PLCL1: variants seen among roughly 807,000 people sequenced by gnomAD.
The protein encoded by PLCL1 is phospholipase C like 1 (inactive).
Under a neutral mutation model 84.4 loss-of-function variants are expected in PLCL1, and 41 were observed. The ratio of observed to expected loss-of-function variants is 0.49; its 90% CI spans 0.38 to 0.63. The LOEUF (loss-of-function observed/expected upper bound fraction) is 0.63, where lower values mean the gene tolerates loss of function less well. Ranked by LOEUF, PLCL1 falls within the 30% of genes least tolerant of loss-of-function variation. The pLI, the probability that PLCL1 is intolerant of heterozygous loss-of-function variation, is 0.00. For synonymous variants in PLCL1, 490 were observed against 488.3 expected (o/e 1.00, Z -0.05); for missense variants, 1,206 against 1,367.8 (o/e 0.88, Z 1.87).
At chr2:198,126,989 TGA>T in intron 5 of PLCL1, among the ~76,000 whole-genome samples, 1 of 90,656 alleles carries the variant, frequency 1.1e-5, no homozygotes, top group South Asian at 5.3e-4. Context: ...AATGAGTGTG[TGA>T]GTGTGTGTGT....
chr2:197,903,068 G>A (rs1559040373), intron 1 of PLCL1, among the ~76,000 whole-genome samples: 2 of 152,160 alleles, frequency 1.3e-5, no homozygotes, highest in South Asian at 4.1e-4. Flanking sequence ...GAGCCAACAG[G>A]TGTTAGCGTG....
At chr2:197,908,716 T>G (rs1175285138) in intron 1 of PLCL1, among the ~76,000 whole-genome samples, 3 of 152,178 alleles carry the variant, frequency 2.0e-5, no homozygotes, top group African/African-American at 7.2e-5. Context: ...ACATTTAATA[T>G]CCTAACTTAA....
intron 1 of PLCL1, among the ~76,000 whole-genome samples, chr2:197,901,172 A>C (rs1688258992): frequency 6.6e-6 from 1 of 152,192 alleles, no homozygotes; most frequent in Non-Finnish European, 1.5e-5. Context: ...AGCTTTTTCG[A>C]ATCAGAATCC....
At chr2:197,978,833 A>G (rs971370910) in intron 1 of PLCL1, among the ~76,000 whole-genome samples, 1 of 152,194 alleles carries the variant, frequency 6.6e-6, no homozygotes, top group East Asian at 1.9e-4. Flanking sequence ...ACGCCAGTTC[A>G]CCGAAGATGC....
chr2:198,144,864 G>T (rs111266076), intron 5 of PLCL1, among the ~76,000 whole-genome samples: 2,382 of 152,260 alleles, frequency 0.016, 21 homozygotes, highest in African/African-American at 0.019. Context: ...TGCCTGCTTT[G>T]CTGTTAAAAG....
intron 4 of PLCL1, among the ~76,000 whole-genome samples, chr2:198,103,211 A>G (rs1344646151): frequency 7.9e-5 from 12 of 152,056 alleles, no homozygotes; most frequent in Non-Finnish European, 5.9e-5. Flanking sequence ...TGCATAAACC[A>G]GGAAGAGGAC....
intron 1 of PLCL1, among the ~76,000 whole-genome samples, chr2:197,976,708 A>G (rs1284920559): frequency 1.3e-5 from 2 of 152,202 alleles, no homozygotes; most frequent in African/African-American, 4.8e-5. Context: ...TGGCCTCCCA[A>G]AGTGCTGGGA....
intron 1 of PLCL1, among the ~76,000 whole-genome samples, chr2:198,004,802 A>T (rs78971089): frequency 0.012 from 1,860 of 152,322 alleles, 50 homozygotes; most frequent in African/African-American, 0.042. Flanking sequence ...TGGTCAGGAT[A>T]AACGCCTCCT....
chr2:197,881,738 T>TA (rs1270025284), intron 1 of PLCL1, among the ~76,000 whole-genome samples: 1 of 152,082 alleles, frequency 6.6e-6, no homozygotes, highest in Non-Finnish European at 1.5e-5. Flanking sequence ...GTGTGTGTTT[T>TA]AAAAAACTTT....
At chr2:197,855,636 A>G (rs1559026167) in intron 1 of PLCL1, among the ~76,000 whole-genome samples, 1 of 152,010 alleles carries the variant, frequency 6.6e-6, no homozygotes, top group Admixed American at 6.6e-5. Context: ...TATAATTCCA[A>G]GAGCCTAGTT....
chr2:197,805,343 A>G lies in PLCL1; in HGVS notation c.240+4A>G. On this transcript the variant is annotated splice_donor_region_variant and intron_variant, in intron 1 of 5. Transcript: ENST00000428675. The surrounding 1 kb of genome is among the most constrained non-coding windows in gnomAD (Gnocchi z 4.0). Reference sequence around the variant, plus strand: ...CCGGCGCAGCAGCATCATCAAGGTAAGCAAAGCCGCGCCGCACCGGGAGCG... The same window carrying G: ...CCGGCGCAGCAGCATCATCAAGGTAGGCAAAGCCGCGCCGCACCGGGAGCG... 1 of 1,334,614 alleles carries G rather than the reference A, an allele frequency of 7.5e-7. No individual in the cohort carries two copies. Among genetic ancestry groups the G allele is most frequent in the Non-Finnish European group, 9.5e-7 (1 of 1,048,770 alleles). 82.7% of individuals were successfully genotyped at this position (1,334,614 alleles called of 1,614,324 possible). A position where few individuals can be genotyped will look rare whatever the true frequency, so the allele number is the denominator to read the frequency against.
At chr2:197,958,044 A>G (rs1689526300) in intron 1 of PLCL1, among the ~76,000 whole-genome samples, 1 of 151,970 alleles carries the variant, frequency 6.6e-6, no homozygotes, top group Non-Finnish European at 1.5e-5. Context: ...GGCTTATCTC[A>G]ATTTTCTCTC....
Position 197,804,964 on chromosome 2 carries a change from G to GCCGCCA in PLCL1, c.-134_-133insGCCACC. On this transcript the variant is annotated 5_prime_UTR_variant, in exon 1 of 6. Transcript: ENST00000428675. ...AGTTGCCGCCGCCGCCGCCGCCGCCGCCACTGCCGCCGCTGGGCGGTGAAA... is the reference window on the plus strand; with the variant it reads ...AGTTGCCGCCGCCGCCGCCGCCGCCGCCGCCACCACTGCCGCCGCTGGGCGGTGAAA... 1 of 1,105,248 alleles carries GCCGCCA rather than the reference G, an allele frequency of 9.0e-7. No individual in the cohort carries two copies. The highest frequency in any genetic ancestry group is 3.1e-5 in the Admixed American group (1 of 32,300). The allele number at this position is 1,105,248 out of a possible 1,614,324, so 68.5% of individuals were successfully genotyped here.
At chr2:197,983,256 C>T (rs1249231477) in intron 1 of PLCL1, among the ~76,000 whole-genome samples, 3 of 88,942 alleles carry the variant, frequency 3.4e-5, no homozygotes, top group Non-Finnish European at 4.2e-5. Context: ...GGGTCTTGCT[C>T]TGTTGCTGAG....
chr2:197,923,015 C>T (rs1240502597), intron 1 of PLCL1, among the ~76,000 whole-genome samples: 1,220 of 87,168 alleles, frequency 0.014, no homozygotes, highest in Admixed American at 0.02. Context: ...CCTCACTTCC[C>T]AGTAGGGGCG....
chr2:198,060,655 C>T (rs541158243), intron 1 of PLCL1, among the ~76,000 whole-genome samples: 1 of 152,282 alleles, frequency 6.6e-6, no homozygotes, highest in Non-Finnish European at 1.5e-5. Flanking sequence ...CTTTCCACTG[C>T]CCCAAACTTT....
intron 1 of PLCL1, among the ~76,000 whole-genome samples, chr2:197,948,141 G>A (rs1689317963): frequency 6.6e-6 from 1 of 152,116 alleles, no homozygotes; most frequent in Admixed American, 6.6e-5. Context: ...ATGGGATTTT[G>A]GGGGTAGAAC....
chr2:197,937,373 C>G (rs1442059690), intron 1 of PLCL1, among the ~76,000 whole-genome samples: 1 of 152,182 alleles, frequency 6.6e-6, no homozygotes, highest in African/African-American at 2.4e-5. Flanking sequence ...ATAGGATGGA[C>G]ATTTTAACAA....
chr2:198,107,457 T>G (rs1693503539), intron 5 of PLCL1, among the ~76,000 whole-genome samples: 2 of 151,848 alleles, frequency 1.3e-5, no homozygotes, highest in Admixed American at 1.3e-4. Context: ...ATAATCTCCC[T>G]CAGGGTAGTA....
Sources: allele counts gnomAD v4.1 joint callset (sites outside exome capture counted in the v4.1 genomes callset), GRCh38; gene constraint gnomAD v4.1.1; non-coding constraint Gnocchi (gnomAD v3.1); transcripts MANE v1.5; gene names NCBI Gene and HGNC (gene_info 2026-07-23, HGNC 2026-07-21).